The following TBCEL variants were observed in gnomAD, a reference collection of about 807,000 sequenced individuals.
TBCEL encodes the protein tubulin-specific chaperone cofactor E-like protein.
TBCEL carries 15 observed loss-of-function variants against 44.2 expected under a neutral mutation model. The ratio of observed to expected loss-of-function variants is 0.34; its 90% confidence interval spans 0.23 to 0.52. TBCEL has a LOEUF of 0.52. TBCEL is among the 20% of genes least tolerant of loss of function. The pLI, the probability that TBCEL is intolerant of heterozygous loss-of-function variation, is 0.95. For synonymous variants in TBCEL, 171 were observed against 185.4 expected, an observed-to-expected ratio of 0.92 and a Z score of 0.63; for missense variants, 319 against 506.3, an observed-to-expected ratio of 0.63 and a Z score of 3.55.
chr11:121,037,528 G>A (rs1404173325), intron 2 of TBCEL, among the ~76,000 whole-genome samples: 1 of 152,146 alleles, frequency 6.6e-6, no homozygotes, highest in Non-Finnish European at 1.5e-5. Flanking sequence ...TGTTTATATG[G>A]GAGAGATAGC....
intron 8 of TBCEL, among the ~76,000 whole-genome samples, chr11:121,083,011 C>T (rs1261225646): frequency 1.3e-5 from 2 of 152,192 alleles, no homozygotes; most frequent in Non-Finnish European, 2.9e-5. Flanking sequence ...TCTACTAGAT[C>T]TACTGCCTCT....
At chr11:121,024,636 G>T (rs1214693479) in intron 1 of TBCEL, among the ~76,000 whole-genome samples, 1 of 152,166 alleles carries the variant, frequency 6.6e-6, no homozygotes, top group Non-Finnish European at 1.5e-5. Flanking sequence ...CCTTGCCCCA[G>T]CGTGGGGGAT....
intron 2 of TBCEL, among the ~76,000 whole-genome samples, chr11:121,039,517 G>A (rs75508199): frequency 0.014 from 2,185 of 152,192 alleles, 57 homozygotes; most frequent in African/African-American, 0.05. Context: ...TCTGGTACAC[G>A]CTTGTTGAAC....
At chr11:121,036,676 A>G (rs905918805) in intron 2 of TBCEL, 64 bp downstream of exon 2, 4 of 152,164 alleles carry the variant, frequency 2.6e-5, no homozygotes, top group Non-Finnish European at 4.4e-5. Flanking sequence ...CATCAAAATT[A>G]TGACATTCTG....
intron 8 of TBCEL, among the ~76,000 whole-genome samples, chr11:121,074,474 C>T (rs1591415352): frequency 6.6e-6 from 1 of 151,964 alleles, no homozygotes. Context: ...TAAAAATGTA[C>T]TATATCAATA....
chr11:121,041,590 A>T (rs1231941285), intron 2 of TBCEL, among the ~76,000 whole-genome samples: 1 of 152,160 alleles, frequency 6.6e-6, no homozygotes, highest in Non-Finnish European at 1.5e-5. Flanking sequence ...GTAATTTGAC[A>T]CACGTTATTT....
At position 121,070,295 on chromosome 11, in the gene TBCEL, C is replaced by G. The variant is rs112788754; in HGVS notation, c.956+10210C>G. 6.1e-3 allele frequency among the ~76,000 whole-genome samples: 923 copies of G among 152,204 alleles called. 6 individuals are homozygous for G. The highest frequency in any genetic ancestry group is 0.01 in the Non-Finnish European group (683 of 68,016). ...TCAACCATTGTGGAAGACAGTGTGG[C>G]GATTCCTCAAGGATCTAGAACTAGA... is the stretch of plus-strand genomic sequence containing the variant. On this transcript the variant is annotated intron_variant, in intron 8 of 8. Coordinates refer to ENST00000683345, the MANE Select transcript of TBCEL (RefSeq NM_001363644.2).
At chr11:121,057,945 C>A (rs189232770) in intron 6 of TBCEL, among the ~76,000 whole-genome samples, 1 of 151,688 alleles carries the variant, frequency 6.6e-6, no homozygotes, top group Admixed American at 6.6e-5. Context: ...CAACTCTGAT[C>A]GATAGTTTTA....
intron 8 of TBCEL, among the ~76,000 whole-genome samples, chr11:121,079,361 G>C (rs1408762635): frequency 6.6e-6 from 1 of 152,174 alleles, no homozygotes; most frequent in Non-Finnish European, 1.5e-5. Flanking sequence ...GGGGACATTT[G>C]AAATGTAGGA....
chr11:121,052,988 C>CG (rs1269519802), intron 4 of TBCEL, among the ~76,000 whole-genome samples: 95 of 151,432 alleles, frequency 6.3e-4, no homozygotes, highest in African/African-American at 2.3e-3. Flanking sequence ...TATATAGTTA[C>CG]GGATTTTTTT....
intron 1 of TBCEL, among the ~76,000 whole-genome samples, chr11:121,024,673 G>T (rs1488633753): frequency 3.3e-5 from 5 of 152,188 alleles, no homozygotes; most frequent in Non-Finnish European, 7.3e-5. Flanking sequence ...GCTGTTAGAA[G>T]AGGGAGACGT....
rs747229424 is a variant in TBCEL at position 121,045,978 on chromosome 11, A to G, written c.133+155A>G. Among the ~76,000 whole-genome samples the G allele has an allele frequency of 3.3e-5, 5 of 152,142 alleles. No homozygotes were observed. In the South Asian group the frequency reaches 1.0e-3, roughly 31 times the overall value. ...TGATTTCAGTTTTCTAAAGAACGTAACAGGACTGGTTTTCCTCCAGATTGA... is the reference window on the plus strand; with the variant it reads ...TGATTTCAGTTTTCTAAAGAACGTAGCAGGACTGGTTTTCCTCCAGATTGA... On this transcript the variant is annotated intron_variant, in intron 3 of 8. Transcript: ENST00000683345.
intron 6 of TBCEL, 108 bp from the exon 7 acceptor site, chr11:121,058,237 T>C (rs2134957589): frequency 7.6e-7 from 1 of 1,323,084 alleles, no homozygotes; most frequent in South Asian, 1.4e-5. Context: ...TAGTTTATGA[T>C]CATTTTAACA....
At chr11:121,048,642 A>C (rs942317823) in intron 4 of TBCEL, among the ~76,000 whole-genome samples, 1 of 151,816 alleles carries the variant, frequency 6.6e-6, no homozygotes, top group African/African-American at 2.4e-5. Flanking sequence ...CTTTTAATAT[A>C]TGACTCATGA....
chr11:121,036,809 C>T (rs1350902325), intron 2 of TBCEL, among the ~76,000 whole-genome samples, 197 bp downstream of exon 2: 1 of 152,130 alleles, frequency 6.6e-6, no homozygotes, highest in Non-Finnish European at 1.5e-5. Flanking sequence ...TGTCTTTGTT[C>T]AACATCTAAA....
In TBCEL at chr11:121,087,118, A is replaced by G; in HGVS notation, c.*22A>G. On this transcript the variant is annotated 3_prime_UTR_variant, in exon 9 of 9. Transcript: ENST00000683345. ...ATAACCTCTACCAGCCTTGTGAAAA[A>G]CATACACATAAGGACTTGTTGCAGG... The G allele has an allele frequency of 6.3e-7, 1 of 1,597,284 alleles. No individual in the cohort carries two copies. Among genetic ancestry groups the G allele is most frequent in the Non-Finnish European group, 8.5e-7 (1 of 1,171,816 alleles).
intron 6 of TBCEL, among the ~76,000 whole-genome samples, chr11:121,056,410 A>G (rs1266435543): frequency 6.6e-6 from 1 of 151,804 alleles, no homozygotes; most frequent in Non-Finnish European, 1.5e-5. Context: ...GTTGCTTCCA[A>G]GTTTGGGCAG....
In TBCEL at chr11:121,042,348, A is replaced by G. The variant is rs575906696; in HGVS notation, c.-17-3326A>G. On this transcript the variant is annotated intron_variant, in intron 2 of 8. Coordinates refer to ENST00000683345, the MANE Select transcript of TBCEL (RefSeq NM_001363644.2). ...AGCTATAGTGCCTGTTGCTAGTGGC[A>G]TAGCACCTGCTCTATGTTGTCTGCT... Among the ~76,000 whole-genome samples the G allele has an allele frequency of 2.6e-5, 4 of 152,250 alleles. No individual in the cohort carries two copies. In the East Asian group the frequency reaches 7.7e-4, roughly 29 times the overall value.
At chr11:121,078,858 A>G (rs1946076574) in intron 8 of TBCEL, among the ~76,000 whole-genome samples, 3 of 152,200 alleles carry the variant, frequency 2.0e-5, no homozygotes, top group African/African-American at 4.8e-5. Context: ...GAGACTGGCT[A>G]TATCTTCTTA....
Sources: gnomAD v4.1 joint callset for allele counts (sites outside exome capture counted in the v4.1 genomes callset) on GRCh38, gnomAD v4.1.1 for gene constraint, MANE v1.5 for transcripts, NCBI Gene and HGNC (gene_info 2026-07-23, HGNC 2026-07-21) for gene names.